Variants in ADGRB1 observed in about 807,000 individuals in gnomAD.
The protein encoded by ADGRB1 is brain-specific angiogenesis inhibitor 1.
ADGRB1 carries 36 observed loss-of-function variants against 175.7 expected under a neutral mutation model. The observed-to-expected ratio is 0.20, with a 90% CI of 0.16 to 0.27. ADGRB1 has a LOEUF of 0.27. Ranked by LOEUF, ADGRB1 falls within the 10% of genes least tolerant of loss-of-function variation. The pLI is 1.00. For synonymous variants in ADGRB1, 1,054 were observed against 979.4 expected (o/e 1.08, Z -1.42); for missense variants, 1,731 against 2,255.3 (o/e 0.77, Z 4.71).
intron 24 of ADGRB1, among the ~76,000 whole-genome samples, chr8:142,531,060 C>T (rs1476702601): frequency 6.6e-6 from 1 of 152,200 alleles, no homozygotes; most frequent in Non-Finnish European, 1.5e-5. Context: ...CCACTGTATC[C>T]CCTGACGGGC....
At chr8:142,497,016 G>C (rs1041267349) in intron 17 of ADGRB1, among the ~76,000 whole-genome samples, 17 of 152,230 alleles carry the variant, frequency 1.1e-4, no homozygotes, top group African/African-American at 4.1e-4. Context: ...AGGCACATTT[G>C]CTGGACTCCT....
rs753920964 is a variant in ADGRB1 at position 142,492,388 on chromosome 8, T to C, written c.2675+1573T>C. ...AACAGGGACAGACGGAGCAGTGTGG[T>C]GATGCCCGGCCGTGCATGGGCCGGG... On this transcript the variant is annotated intron_variant, in intron 17 of 30. Transcript: ENST00000517894. This position sits in a 1 kb window ranked among gnomAD's most constrained non-coding sequence, Gnocchi z 4.4. 2.0e-5 allele frequency among the ~76,000 whole-genome samples: 3 copies of C among 151,808 alleles called. No homozygotes were observed. Among genetic ancestry groups the C allele is most frequent in the Non-Finnish European group, 4.4e-5 (3 of 67,932 alleles).
chr8:142,464,125 G>T lies in ADGRB1; in HGVS notation c.-74G>T, dbSNP rs1840113281. On this transcript the variant is annotated 5_prime_UTR_variant, in exon 2 of 31. Coordinates refer to ENST00000517894, the MANE Select transcript of ADGRB1 (RefSeq NM_001702.3). ...ACCGGGCCGGCCCTGCCCGCCGCCGGACCCTGGCATGTCAAGACCTGGTCC... is the reference window on the plus strand; with the variant it reads ...ACCGGGCCGGCCCTGCCCGCCGCCGTACCCTGGCATGTCAAGACCTGGTCC... 1 of 1,188,200 alleles carries T rather than the reference G, an allele frequency of 8.4e-7. No individual in the cohort carries two copies. Among genetic ancestry groups the T allele is most frequent in the Non-Finnish European group, 1.0e-6 (1 of 957,606 alleles). 73.6% of individuals were successfully genotyped at this position (1,188,200 alleles called of 1,614,324 possible). A position where few individuals can be genotyped will look rare whatever the true frequency, so the allele number is the denominator to read the frequency against.
chr8:142,510,925 C>T lies in ADGRB1; in HGVS notation c.2676-7C>T, dbSNP rs1212220123. 2 of 1,200,320 alleles carry T rather than the reference C, an allele frequency of 1.7e-6. No homozygotes were observed. The highest frequency in any genetic ancestry group is 5.2e-5 in the East Asian group (1 of 19,412). 74.4% of individuals were successfully genotyped at this position (1,200,320 alleles called of 1,614,324 possible). On this transcript the variant is annotated splice_region_variant and splice_polypyrimidine_tract_variant and intron_variant, in intron 17 of 30. Transcript: ENST00000517894. This position sits in a 1 kb window ranked among gnomAD's most constrained non-coding sequence, Gnocchi z 6.3. ...CTGTCTCCCTCCCGTGTCCCGCCCG[C>T]CCCCAGACCCTCCTCCTCCGCCCCC...
At position 142,543,918 on chromosome 8, in the gene ADGRB1, G is replaced by C. The variant is rs73714320; in HGVS notation, c.4557+210G>C. Among the ~76,000 whole-genome samples the C allele has an allele frequency of 2.0e-5, 3 of 152,146 alleles. No homozygotes were observed. Among genetic ancestry groups the C allele is most frequent in the Non-Finnish European group, 4.4e-5 (3 of 68,006 alleles). On this transcript the variant is annotated intron_variant, in intron 30 of 30. Coordinates refer to ENST00000517894, the MANE Select transcript of ADGRB1 (RefSeq NM_001702.3). The surrounding 1 kb of genome is among the most constrained non-coding windows in gnomAD (Gnocchi z 4.4). ...GCCATACTGGGAGCTGAGCGGTCAC[G>C]AGCCTGCTCCTGGGGCCAGGGGTCT...
chr8:142,509,088 C>CGCT (rs1842960549), intron 17 of ADGRB1, among the ~76,000 whole-genome samples: 1 of 152,250 alleles, frequency 6.6e-6, no homozygotes, highest in Non-Finnish European at 1.5e-5. Context: ...GGGTCTCCCC[C>CGCT]GCCAGCCAGC....
intron 18 of ADGRB1, among the ~76,000 whole-genome samples, chr8:142,516,484 C>T (rs1249197355): frequency 1.2e-4 from 14 of 116,776 alleles, no homozygotes; most frequent in South Asian, 5.9e-4. Flanking sequence ...TGTGTGTGCG[C>T]GCGCGTGTGT....
chr8:142,485,118 G>T (rs1841598192), intron 13 of ADGRB1, among the ~76,000 whole-genome samples: 1 of 152,216 alleles, frequency 6.6e-6, no homozygotes, highest in Non-Finnish European at 1.5e-5. Context: ...CTGCTTGTCA[G>T]TCCCAGTAGT....
Position 142,479,797 on chromosome 8 carries a change from G to T in ADGRB1, c.1828+3G>T. 2 of 1,609,808 alleles carry T rather than the reference G, an allele frequency of 1.2e-6. No homozygotes were observed. Among genetic ancestry groups the T allele is most frequent in the Middle Eastern group, 1.7e-4 (1 of 6,034 alleles). On this transcript the variant is annotated splice_donor_region_variant and intron_variant, in intron 9 of 30. Transcript: ENST00000517894. ...CCGGTGTCCCCGCAACGCCACAGGT[G>T]AGGGCTGGAGAGCACGTGGTGTATG...
rs545020783 is a variant in ADGRB1 at position 142,537,672 on chromosome 8, C to A, written c.3666+590C>A. On this transcript the variant is annotated intron_variant, in intron 26 of 30. Transcript: ENST00000517894. This position sits in a 1 kb window ranked among gnomAD's most constrained non-coding sequence, Gnocchi z 4.6. ...CCCCTGCCCATCCTGGTGTCCTCAGCGGTGTGTTCTGCACCCCCCGCCCCT... is the reference window on the plus strand; with the variant it reads ...CCCCTGCCCATCCTGGTGTCCTCAGAGGTGTGTTCTGCACCCCCCGCCCCT... Among the ~76,000 whole-genome samples the A allele has an allele frequency of 2.0e-5, 3 of 152,128 alleles. No homozygotes were observed. The highest frequency in any genetic ancestry group is 7.2e-5 in the African/African-American group (3 of 41,430).
chr8:142,472,016 G>A (rs1188437969), intron 2 of ADGRB1, among the ~76,000 whole-genome samples: 1 of 152,224 alleles, frequency 6.6e-6, no homozygotes, highest in Non-Finnish European at 1.5e-5. Flanking sequence ...GGCAGAGCAG[G>A]GTGGGAATGG....
Position 142,543,743 on chromosome 8 carries a change from C to A in ADGRB1, c.4557+35C>A. 1 of 1,520,808 alleles carries A rather than the reference C, an allele frequency of 6.6e-7. No individual in the cohort carries two copies. Among genetic ancestry groups the A allele is most frequent in the Non-Finnish European group, 8.9e-7 (1 of 1,120,304 alleles). 94.2% of individuals were successfully genotyped at this position (1,520,808 alleles called of 1,614,324 possible). On this transcript the variant is annotated intron_variant, in intron 30 of 30. Coordinates refer to ENST00000517894, the MANE Select transcript of ADGRB1 (RefSeq NM_001702.3). This position sits in a 1 kb window ranked among gnomAD's most constrained non-coding sequence, Gnocchi z 4.4. ...GCAGGGAGGGGCGGGGTGGGGAGAG[C>A]CCTTAGGTCAGGCCACCGTCTCCCT... is the stretch of plus-strand genomic sequence containing the variant.
At chr8:142,468,165 T>C (rs1840383340) in intron 2 of ADGRB1, among the ~76,000 whole-genome samples, 1 of 152,088 alleles carries the variant, frequency 6.6e-6, no homozygotes, top group Non-Finnish European at 1.5e-5. Flanking sequence ...GCATATGTGC[T>C]CATGCATATA....
rs758016383 is a variant in ADGRB1 at position 142,504,980 on chromosome 8, G to A, written c.2676-5952G>A. On this transcript the variant is annotated intron_variant, in intron 17 of 30. Transcript: ENST00000517894. This position sits in a 1 kb window ranked among gnomAD's most constrained non-coding sequence, Gnocchi z 5.6. ...AGCCCATCAAATCCAAGGGGACCCC[G>A]ACAGCGCACAGTCCCATAATAGCAC... Among the ~76,000 whole-genome samples, 9 of 149,320 alleles carry A rather than the reference G, an allele frequency of 6.0e-5. No homozygotes were observed. The highest frequency in any genetic ancestry group is 1.7e-4 in the African/African-American group (7 of 40,620).
intron 17 of ADGRB1, among the ~76,000 whole-genome samples, chr8:142,499,649 G>C (rs970370764): frequency 3.9e-5 from 6 of 152,316 alleles, no homozygotes; most frequent in Non-Finnish European, 8.8e-5. Flanking sequence ...GGAGCGGCTG[G>C]GGTGGGTGGG....
At chr8:142,497,822 A>G (rs1261855128) in intron 17 of ADGRB1, among the ~76,000 whole-genome samples, 2 of 152,200 alleles carry the variant, frequency 1.3e-5, no homozygotes, top group Admixed American at 1.3e-4. Flanking sequence ...TTCTGGGCGC[A>G]GGGTCCTTGC....
At chr8:142,539,615 G>C (rs1587446855) in intron 27 of ADGRB1, 1 of 626,144 alleles carries the variant, frequency 1.6e-6, no homozygotes, top group East Asian at 2.8e-5. Context: ...TCCACTTCCT[G>C]AGGCCGAAGG....
intron 2 of ADGRB1, among the ~76,000 whole-genome samples, chr8:142,471,009 G>T (rs1481900474): frequency 6.6e-6 from 1 of 152,196 alleles, no homozygotes; most frequent in East Asian, 1.9e-4. Context: ...AGTCAGGATT[G>T]GAGTGGAGTT....
chr8:142,453,064 T>G, intron 1 of ADGRB1, among the ~76,000 whole-genome samples: 1 of 124,434 alleles, frequency 8.0e-6, no homozygotes, highest in Non-Finnish European at 1.7e-5. Context: ...TCGCTCGCCG[T>G]CCGCTCCCGC....
Sources: allele counts gnomAD v4.1 joint callset (sites outside exome capture counted in the v4.1 genomes callset), GRCh38; gene constraint gnomAD v4.1.1; non-coding constraint Gnocchi (gnomAD v3.1); transcripts MANE v1.5; gene names NCBI Gene and HGNC (gene_info 2026-07-23, HGNC 2026-07-21).